The following NOS1AP variants were observed in gnomAD, a reference collection of about 807,000 sequenced individuals.
NOS1AP encodes carboxyl-terminal PDZ ligand of neuronal nitric oxide synthase protein.
Under a neutral mutation model 56.2 loss-of-function variants are expected in NOS1AP, and 21 were observed. That is an observed-to-expected ratio of 0.37 (90% confidence interval 0.26 to 0.54). NOS1AP has a LOEUF of 0.54. Among genes scored for constraint, NOS1AP ranks in the 20% least tolerant of loss-of-function variants. The pLI is 0.84. For synonymous variants in NOS1AP, 270 were observed against 274.6 expected (o/e 0.98, Z 0.17); for missense variants, 522 against 657.8 (o/e 0.79, Z 2.26).
chr1:162,335,369 AG>A (rs1656905918), intron 5 of NOS1AP, among the ~76,000 whole-genome samples: 1 of 152,212 alleles, frequency 6.6e-6, no homozygotes, highest in Non-Finnish European at 1.5e-5. Context: ...AAGCTAAGAA[AG>A]GGAAGTGAAT....
intron 2 of NOS1AP, among the ~76,000 whole-genome samples, chr1:162,241,633 T>C (rs1653490899): frequency 6.6e-6 from 1 of 152,152 alleles, no homozygotes; most frequent in South Asian, 2.1e-4. Flanking sequence ...TGGGCTACAC[T>C]GCACAATGTG....
chr1:162,182,948 A>T (rs1377251434), intron 2 of NOS1AP, among the ~76,000 whole-genome samples: 1 of 152,214 alleles, frequency 6.6e-6, no homozygotes, highest in East Asian at 1.9e-4. Context: ...ACCTCCTTCC[A>T]TGAATCATGA....
intron 1 of NOS1AP, among the ~76,000 whole-genome samples, chr1:162,108,640 A>G (rs1025854017): frequency 1.3e-5 from 2 of 152,302 alleles, no homozygotes; most frequent in Admixed American, 6.5e-5. Context: ...ATGATCAACA[A>G]TGGCTGCTGA....
chr1:162,249,812 T>C (rs1012833153), intron 2 of NOS1AP, among the ~76,000 whole-genome samples: 4 of 152,176 alleles, frequency 2.6e-5, no homozygotes, highest in Non-Finnish European at 5.9e-5. Context: ...TCAACCATGA[T>C]CTACTCTGAA....
chr1:162,093,213 G>C (rs1168681720), intron 1 of NOS1AP, among the ~76,000 whole-genome samples: 1 of 152,156 alleles, frequency 6.6e-6, no homozygotes, highest in Non-Finnish European at 1.5e-5. Context: ...GGATAAGTAG[G>C]AATGTGTTAA....
intron 2 of NOS1AP, among the ~76,000 whole-genome samples, chr1:162,252,880 C>T (rs937612144): frequency 1.3e-5 from 2 of 152,138 alleles, no homozygotes; most frequent in Non-Finnish European, 2.9e-5. Flanking sequence ...TGTTCAGCAG[C>T]TATTGTATTG....
intron 2 of NOS1AP, among the ~76,000 whole-genome samples, chr1:162,222,013 TA>T (rs1239922154): frequency 1.3e-5 from 2 of 152,228 alleles, no homozygotes; most frequent in Non-Finnish European, 2.9e-5. Flanking sequence ...TATTTGCCAT[TA>T]TAAAAAATGT....
intron 2 of NOS1AP, among the ~76,000 whole-genome samples, chr1:162,280,965 C>A (rs1654904715): frequency 6.6e-6 from 1 of 152,182 alleles, no homozygotes; most frequent in African/African-American, 2.4e-5. Flanking sequence ...TTCTCAGGAA[C>A]CCTGCCCCCA....
At chr1:162,321,089 T>A (rs1656399709) in intron 4 of NOS1AP, among the ~76,000 whole-genome samples, 1 of 152,146 alleles carries the variant, frequency 6.6e-6, no homozygotes, top group Non-Finnish European at 1.5e-5. Flanking sequence ...CTTTAATCCA[T>A]CTTGAATTAA....
At chr1:162,326,878 G>A (rs1217292796) in intron 4 of NOS1AP, among the ~76,000 whole-genome samples, 1 of 152,206 alleles carries the variant, frequency 6.6e-6, no homozygotes, top group African/African-American at 2.4e-5. Context: ...GACTGAAAGA[G>A]GGAATAAAGG....
At chr1:162,366,924 C>G in intron 9 of NOS1AP, 128 bp from the exon 10 acceptor site, 2 of 1,032,296 alleles carry the variant, frequency 1.9e-6, no homozygotes, top group Non-Finnish European at 3.1e-6. Flanking sequence ...AGACCCAAAG[C>G]CCGGAGAGGT....
intron 1 of NOS1AP, among the ~76,000 whole-genome samples, chr1:162,091,770 A>G (rs1317056463): frequency 1.3e-5 from 2 of 152,302 alleles, no homozygotes; most frequent in East Asian, 3.9e-4. Context: ...TCAAAGAGAG[A>G]GGGCACTTTA....
intron 1 of NOS1AP, among the ~76,000 whole-genome samples, chr1:162,088,552 C>T (rs1022935925): frequency 1.3e-5 from 2 of 152,078 alleles, no homozygotes; most frequent in Non-Finnish European, 2.9e-5. Context: ...CAATGAGGAA[C>T]CTAATTGAAA....
At chr1:162,294,991 C>A (rs1655407335) in intron 3 of NOS1AP, among the ~76,000 whole-genome samples, 1 of 152,180 alleles carries the variant, frequency 6.6e-6, no homozygotes, top group African/African-American at 2.4e-5. Flanking sequence ...TGCTAGTGCT[C>A]CTGCTCCAGC....
chr1:162,233,947 G>A (rs1008885584), intron 2 of NOS1AP, among the ~76,000 whole-genome samples: 1 of 152,210 alleles, frequency 6.6e-6, no homozygotes, highest in Non-Finnish European at 1.5e-5. Context: ...AGTTAGGGAA[G>A]CATTACACAT....
intron 2 of NOS1AP, among the ~76,000 whole-genome samples, chr1:162,270,916 G>C (rs914148494): frequency 2.6e-5 from 4 of 152,120 alleles, no homozygotes; most frequent in African/African-American, 7.2e-5. Context: ...CTCGTCCACT[G>C]AACCCAGGGC....
At chr1:162,186,971 T>C (rs933440001) in intron 2 of NOS1AP, among the ~76,000 whole-genome samples, 5 of 152,140 alleles carry the variant, frequency 3.3e-5, no homozygotes, top group African/African-American at 1.2e-4. Context: ...TGTTATTTAT[T>C]TGTTTGTTTT....
At chr1:162,226,509 A>G (rs926899663) in intron 2 of NOS1AP, among the ~76,000 whole-genome samples, 1 of 152,216 alleles carries the variant, frequency 6.6e-6, no homozygotes, top group Non-Finnish European at 1.5e-5. Flanking sequence ...CAAACCTAAC[A>G]TTACAACAAT....
At chr1:162,165,092 C>T (rs1014256092) in intron 2 of NOS1AP, among the ~76,000 whole-genome samples, 9 of 152,088 alleles carry the variant, frequency 5.9e-5, no homozygotes, top group African/African-American at 1.9e-4. Context: ...GAGGCCAAGG[C>T]GAACAGATCA....
Sources: gnomAD v4.1 joint callset for allele counts (sites outside exome capture counted in the v4.1 genomes callset) on GRCh38, gnomAD v4.1.1 for gene constraint, MANE v1.5 for transcripts, NCBI Gene and HGNC (gene_info 2026-07-23, HGNC 2026-07-21) for gene names.